Variants in FAT4 observed in about 807,000 individuals in gnomAD.
The protein encoded by FAT4 is protocadherin Fat 4.
A neutral mutation model predicts 303.9 loss-of-function variants in FAT4; 84 were observed. The ratio of observed to expected loss-of-function variants is 0.28; its 90% CI spans 0.23 to 0.33. The LOEUF (loss-of-function observed/expected upper bound fraction) is 0.33. FAT4 is among the 10% of genes least tolerant of loss of function. FAT4 has a pLI of 1.00. For synonymous variants in FAT4, 2,307 were observed against 2,298.8 expected (o/e 1.00, Z -0.10); for missense variants, 6,005 against 6,146.8 (o/e 0.98, Z 0.77).
At chr4:125,334,628 C>A (rs545765919) in intron 2 of FAT4, among the ~76,000 whole-genome samples, 38 of 152,232 alleles carry the variant, frequency 2.5e-4, no homozygotes, top group African/African-American at 9.1e-4. Flanking sequence ...TTGCTTAAAA[C>A]AAGACATGTA....
intron 7 of FAT4, among the ~76,000 whole-genome samples, chr4:125,425,016 A>G (rs1039932807): frequency 6.6e-6 from 1 of 152,200 alleles, no homozygotes; most frequent in African/African-American, 2.4e-5. Context: ...GAAATATTAT[A>G]ACTAATTGAG....
Position 125,491,043 on chromosome 4 carries a change from G to A in FAT4, c.14227G>A (p.Gly4743Ser). The stretch of plus-strand genomic sequence containing the variant: ...AATGCATGGTGACACCTGCCAACCT[G>A]GCATTTTCAACTATGCCACAAGGCT... ...LEMHGDTCQP[G>S]IFNYATRLGR... Residue 4743 changes from glycine to serine, a missense_variant, in exon 18 of 18, where the codon GGC becomes AGC. Transcript: ENST00000394329. 1 of 1,614,154 alleles carries A rather than the reference G, an allele frequency of 6.2e-7. No individual in the cohort carries two copies. The highest frequency in any genetic ancestry group is 1.1e-5 in the South Asian group (1 of 91,078).
chr4:125,441,628 G>A (rs1725663411), intron 8 of FAT4, among the ~76,000 whole-genome samples: 1 of 152,158 alleles, frequency 6.6e-6, no homozygotes, highest in Non-Finnish European at 1.5e-5. Context: ...GAATTAAAGG[G>A]CAATGGCAGA....
chr4:125,394,546 A>G (rs1578592779), intron 2 of FAT4, among the ~76,000 whole-genome samples: 1 of 152,316 alleles, frequency 6.6e-6, no homozygotes, highest in South Asian at 2.1e-4. Flanking sequence ...AACTGTCTTC[A>G]TTATTTAAAG....
intron 11 of FAT4, 45 bp downstream of exon 11, chr4:125,463,712 G>A (rs1395662886): frequency 1.5e-6 from 2 of 1,343,598 alleles, no homozygotes; most frequent in East Asian, 2.6e-5. Flanking sequence ...GTTTATTTTT[G>A]CACACAGTTT....
At chr4:125,463,699 T>G (rs1291634101) in intron 11 of FAT4, 32 bp downstream of exon 11, 1 of 1,417,602 alleles carries the variant, frequency 7.1e-7, no homozygotes, top group Non-Finnish European at 9.6e-7. Context: ...ATATAAAATA[T>G]AAGTTTATTT....
intron 2 of FAT4, among the ~76,000 whole-genome samples, chr4:125,341,260 A>G (rs1355164): frequency 0.14 from 20,561 of 152,156 alleles, 2,161 homozygotes; most frequent in African/African-American, 0.27. Context: ...AGGAAAGCAT[A>G]TTTAAAATGA....
chr4:125,421,817 C>A (rs754764081), intron 7 of FAT4, among the ~76,000 whole-genome samples: 1 of 152,048 alleles, frequency 6.6e-6, no homozygotes, highest in East Asian at 1.9e-4. Context: ...CTAGAACTTG[C>A]AGACCCAGGT....
In FAT4 at chr4:125,450,640, A is replaced by G; in HGVS notation, c.9630A>G (p.Pro3210=). ...TCCCTACTGTTTTGGAAAATGCCCC[A>G]AGTGGAACAACAGTTATCCACCTAA... ...DYFPTVLENA[P]SGTTVIHLNA... is the part of the protein sequence containing the mutation. The change falls in exon 10 of 18, where the codon CCA becomes CCG. Residue 3210 remains proline (P), a synonymous_variant. Coordinates refer to ENST00000394329, the MANE Select transcript of FAT4 (RefSeq NM_001291303.3). 4 of 1,614,118 alleles carry G rather than the reference A, an allele frequency of 2.5e-6. No individual in the cohort carries two copies. The highest frequency in any genetic ancestry group is 3.3e-5 in the Admixed American group (2 of 60,002).
At chr4:125,457,215 T>C (rs1483271939) in intron 10 of FAT4, among the ~76,000 whole-genome samples, 1 of 151,948 alleles carries the variant, frequency 6.6e-6, no homozygotes, top group Non-Finnish European at 1.5e-5. Flanking sequence ...GTAAGTGGCT[T>C]ATGAGTTGAT....
Position 125,317,239 on chromosome 4 carries a change from C to G in FAT4, c.828C>G (p.Asp276Glu). 1 of 1,579,020 alleles carries G rather than the reference C, an allele frequency of 6.3e-7. No homozygotes were observed. The highest frequency in any genetic ancestry group is 2.3e-5 in the East Asian group (1 of 44,414). The part of the protein sequence containing the change: ...GSSVLQVAAA[D>E]ADEGTNADIR... ...GCGTCCTCCAGGTGGCGGCGGCGGACGCGGACGAGGGCACCAACGCGGACA... is the reference window on the plus strand; with the variant it reads ...GCGTCCTCCAGGTGGCGGCGGCGGAGGCGGACGAGGGCACCAACGCGGACA... Residue 276 changes from aspartate to glutamate, a missense_variant, in exon 2 of 18, where the codon GAC (aspartate) becomes GAG (glutamate). Physicochemically the swap from Asp to Glu is conservative, Grantham distance 45 (BLOSUM62 2). Coordinates refer to ENST00000394329, the MANE Select transcript of FAT4 (RefSeq NM_001291303.3). This position sits in a 1 kb window ranked among gnomAD's most constrained non-coding sequence, Gnocchi z 7.0.
intron 2 of FAT4, among the ~76,000 whole-genome samples, chr4:125,347,740 A>C (rs1482268015): frequency 6.6e-6 from 1 of 151,834 alleles, no homozygotes; most frequent in Non-Finnish European, 1.5e-5. Flanking sequence ...AGATTACATA[A>C]AATACTAAGA....
At chr4:125,436,930 C>G (rs1725473991) in intron 8 of FAT4, among the ~76,000 whole-genome samples, 1 of 152,160 alleles carries the variant, frequency 6.6e-6, no homozygotes, top group Non-Finnish European at 1.5e-5. Flanking sequence ...TCTCAGCTCA[C>G]TGCAGCCTCT....
At chr4:125,446,174 T>C in intron 8 of FAT4, 119 bp from the exon 9 acceptor site, 1 of 818,930 alleles carries the variant, frequency 1.2e-6, no homozygotes, top group Non-Finnish European at 1.9e-6. Context: ...TCCAACATTG[T>C]TGTATGATCT....
intron 5 of FAT4, among the ~76,000 whole-genome samples, chr4:125,414,011 G>A (rs2126026019): frequency 6.6e-6 from 1 of 152,026 alleles, no homozygotes; most frequent in African/African-American, 2.4e-5. Context: ...AATGTCATTA[G>A]GATAAGATAT....
intron 16 of FAT4, among the ~76,000 whole-genome samples, chr4:125,484,467 G>GT (rs1035486933): frequency 2.0e-5 from 3 of 151,942 alleles, no homozygotes; most frequent in African/African-American, 7.3e-5. Flanking sequence ...TGTTTGTCTG[G>GT]TTTTTTTAAG....
chr4:125,361,311 A>G (rs1042982524), intron 2 of FAT4, among the ~76,000 whole-genome samples: 2 of 152,192 alleles, frequency 1.3e-5, no homozygotes, highest in African/African-American at 4.8e-5. Context: ...TGACAGTGAA[A>G]GCAGTAACAA....
intron 15 of FAT4, 117 bp from the exon 16 acceptor site, chr4:125,481,404 C>T: frequency 1.3e-6 from 1 of 769,394 alleles, no homozygotes; most frequent in Non-Finnish European, 2.1e-6. Flanking sequence ...AGTTGGGGGA[C>T]ATTAATTCCC....
intron 11 of FAT4, 68 bp downstream of exon 11, chr4:125,463,735 TTATTA>T: frequency 9.0e-7 from 1 of 1,112,894 alleles, no homozygotes. Flanking sequence ...CAATTTTGTT[TTATTA>T]TGAGTATGAA....
Sources: allele counts gnomAD v4.1 joint callset (sites outside exome capture counted in the v4.1 genomes callset), GRCh38; gene constraint gnomAD v4.1.1; non-coding constraint Gnocchi (gnomAD v3.1); transcripts MANE v1.5; gene names NCBI Gene and HGNC (gene_info 2026-07-23, HGNC 2026-07-21).